Variants in TECTA observed in about 807,000 individuals in gnomAD.
TECTA encodes the protein tectorin alpha.
Under a neutral mutation model 216.8 loss-of-function variants are expected in TECTA, and 128 were observed. That is an observed-to-expected ratio of 0.59 (90% CI 0.51 to 0.68). The LOEUF (loss-of-function observed/expected upper bound fraction) is 0.68. Ranked by LOEUF, TECTA falls within the 30% of genes least tolerant of loss-of-function variation. TECTA has a pLI of 0.00. For missense variants in TECTA, 2,551 were observed against 2,786.2 expected (o/e 0.92, Z 1.90); for synonymous variants, 1,089 against 1,117.1 (o/e 0.97, Z 0.50).
intron 22 of TECTA, 92 bp from the exon 23 acceptor site, chr11:121,189,672 C>T: frequency 7.7e-7 from 1 of 1,304,090 alleles, no homozygotes; most frequent in Non-Finnish European, 1.1e-6. Flanking sequence ...CCGCGCCCAG[C>T]CTGTCCTCCT....
At chr11:121,130,896 A>C (rs2135086456) in intron 10 of TECTA, among the ~76,000 whole-genome samples, 1 of 152,162 alleles carries the variant, frequency 6.6e-6, no homozygotes, top group Non-Finnish European at 1.5e-5. Flanking sequence ...GGTGGGCCCC[A>C]CACCAAAGCC....
chr11:121,136,392 C>T (rs1946727392), intron 10 of TECTA, among the ~76,000 whole-genome samples: 1 of 152,156 alleles, frequency 6.6e-6, no homozygotes, highest in Non-Finnish European at 1.5e-5. Context: ...AGCAAAGGGG[C>T]TGCGGGGTGA....
rs1286461964 is a variant in TECTA at position 121,118,478 on chromosome 11, ATGCGTGG to A, written c.966_972del (p.Val323LeufsTer54). 1 of 1,614,082 alleles carries A rather than the reference ATGCGTGG, an allele frequency of 6.2e-7. No homozygotes were observed. The highest frequency in any genetic ancestry group is 1.3e-5 in the African/African-American group (1 of 74,934). On this transcript the variant is annotated frameshift_variant, in exon 7 of 24. Coordinates refer to ENST00000392793, the MANE Select transcript of TECTA (RefSeq NM_005422.4). LOFTEE classifies it high-confidence loss of function. ...ACTGCAGCGCTGTGGAGACCAGCAC[ATGCGTGG>A]TGTTTGGGGAGCCACACTACCACAC...
chr11:121,176,693 C>T (rs1312670514), intron 20 of TECTA, among the ~76,000 whole-genome samples: 1 of 150,376 alleles, frequency 6.6e-6, no homozygotes, highest in African/African-American at 2.5e-5. Flanking sequence ...GTGGCGTTCT[C>T]TGTATTTCCT....
intron 13 of TECTA, among the ~76,000 whole-genome samples, chr11:121,155,877 G>A (rs969811918): frequency 2.6e-5 from 4 of 152,168 alleles, no homozygotes; most frequent in African/African-American, 9.7e-5. Flanking sequence ...GCAGAGTCGT[G>A]CCTGCAGATT....
At chr11:121,121,491 A>C (rs1335379935) in intron 7 of TECTA, among the ~76,000 whole-genome samples, 2 of 152,194 alleles carry the variant, frequency 1.3e-5, no homozygotes, top group East Asian at 3.9e-4. Context: ...TGGGGACAAG[A>C]GTTCTCTGGG....
At chr11:121,115,894 C>G (rs1204290044) in intron 6 of TECTA, among the ~76,000 whole-genome samples, 1 of 152,120 alleles carries the variant, frequency 6.6e-6, no homozygotes, top group Non-Finnish European at 1.5e-5. Context: ...TGGTCTCAAG[C>G]CATCCTCCCA....
chr11:121,157,954 C>T lies in TECTA; in HGVS notation c.4419C>T (p.Arg1473=). ...QCKSDEECAL[R]NGVRGCFSTK... ...AGTCAGACGAGGAGTGTGCGCTGCG[C>T]AACGGGGTGCGCGGCTGCTTCAGCA... Residue 1473 remains arginine, a synonymous_variant, in exon 14 of 24, where the codon CGC becomes CGT. Transcript: ENST00000392793. 1 of 1,613,870 alleles carries T rather than the reference C, an allele frequency of 6.2e-7. No individual in the cohort carries two copies. Among genetic ancestry groups the T allele is most frequent in the Non-Finnish European group, 8.5e-7 (1 of 1,180,002 alleles).
rs1426884821 is a variant in TECTA, at chr11:121,157,974, T to G, written c.4439T>G (p.Phe1480Cys). The G allele has an allele frequency of 1.9e-6, 3 of 1,613,438 alleles. No homozygotes were observed. In the East Asian group the frequency reaches 6.7e-5, roughly 36 times the overall value. The change falls in exon 14 of 24, where the codon TTC becomes TGC. Residue 1480 changes from phenylalanine (F) to cysteine (C), a missense_variant. Phe to Cys is a radical substitution (Grantham distance 205). Coordinates refer to ENST00000392793, the MANE Select transcript of TECTA (RefSeq NM_005422.4). ...CALRNGVRGCFSTKTSYCLAA... is the reference protein window; with the variant it reads ...CALRNGVRGCCSTKTSYCLAA... ...CTGCGCAACGGGGTGCGCGGCTGCT[T>G]CAGCACCAAGACCTCCTACTGCCTG...
Position 121,137,593 on chromosome 11 carries a change from C to T in TECTA, c.3114C>T (p.Cys1038=), listed in dbSNP as rs747245820. ...GTGTCACGCGGAGTGAGTGTGGCTG[C>T]AACTTTGAGGGGCACCAACTTGCCA... ...SQCVTRSECG[C]NFEGHQLATN... Residue 1038 remains cysteine, a synonymous_variant, in exon 11 of 24, where the codon TGC becomes TGT. Coordinates refer to ENST00000392793, the MANE Select transcript of TECTA (RefSeq NM_005422.4). 1 of 1,613,940 alleles carries T rather than the reference C, an allele frequency of 6.2e-7. No homozygotes were observed. The highest frequency in any genetic ancestry group is 1.1e-5 in the South Asian group (1 of 91,060).
intron 20 of TECTA, among the ~76,000 whole-genome samples, chr11:121,183,857 G>A (rs1379240672): frequency 1.3e-5 from 2 of 152,150 alleles, no homozygotes; most frequent in African/African-American, 2.4e-5. Context: ...GTATGATAAT[G>A]GCTCAATGCA....
At chr11:121,140,389 C>T (rs605379) in intron 11 of TECTA, among the ~76,000 whole-genome samples, 72,833 of 152,050 alleles carry the variant, frequency 0.48, 19,387 homozygotes, top group African/African-American at 0.72. Flanking sequence ...TTAGCTCTCC[C>T]TCCAGGCATG....
intron 13 of TECTA, among the ~76,000 whole-genome samples, chr11:121,157,368 G>A (rs775447410): frequency 2.6e-5 from 4 of 152,042 alleles, no homozygotes; most frequent in Non-Finnish European, 5.9e-5. Context: ...AGTTTGGGAG[G>A]CTGAGGCAGG....
intron 7 of TECTA, 121 bp from the exon 8 acceptor site, chr11:121,125,181 C>A: frequency 1.9e-6 from 2 of 1,027,484 alleles, no homozygotes; most frequent in Non-Finnish European, 3.0e-6. Flanking sequence ...GGAGCCTGGA[C>A]CGTTTAGGTG....
rs548627416 is a variant in TECTA at position 121,102,450 on chromosome 11, C to A, written c.-1-215C>A. The stretch of plus-strand genomic sequence containing the variant: ...TCTCATTACACTTCCAGACTGGCTT[C>A]TTCTGGGCATCTAATTTGTTCATGA... On this transcript the variant is annotated intron_variant, in intron 1 of 23. Coordinates refer to ENST00000392793, the MANE Select transcript of TECTA (RefSeq NM_005422.4). Among the ~76,000 whole-genome samples the A allele has an allele frequency of 1.9e-4, 29 of 152,302 alleles. No homozygotes were observed. The South Asian group carries it at 5.8e-3, about 30-fold the overall frequency.
At chr11:121,163,161 A>T (rs1947018244) in intron 16 of TECTA, among the ~76,000 whole-genome samples, 1 of 152,192 alleles carries the variant, frequency 6.6e-6, no homozygotes, top group Non-Finnish European at 1.5e-5. Context: ...TGACTCCAAG[A>T]TGATACACAC....
chr11:121,128,516 G>T (rs1354855514), intron 9 of TECTA, among the ~76,000 whole-genome samples, 172 bp downstream of exon 9: 4 of 152,196 alleles, frequency 2.6e-5, no homozygotes, highest in African/African-American at 9.6e-5. Flanking sequence ...GAATTATCAG[G>T]TGGAGAAATG....
rs1946523289 is a variant in TECTA at position 121,118,552 on chromosome 11, A to G, written c.1037A>G (p.Tyr346Cys). The change falls in exon 7 of 24, where the codon TAC (tyrosine) becomes TGC (cysteine). Residue 346 changes from tyrosine (Y) to cysteine (C), a missense_variant. Physicochemically the swap from Tyr to Cys is radical, Grantham distance 194. Around this residue, in one of 3 missense-constraint regions of TECTA, gnomAD observed 2,375 missense variants for 2,563.9 expected, o/e 0.93. Transcript: ENST00000392793. ...FLFHFQGSCA[Y>C]LLARQCLQTS... Reference sequence around the variant, plus strand: ...TTCCACTTCCAAGGCTCCTGTGCCTACTTGCTGGCCCGACAGTGTTTGCAG... The same window carrying G: ...TTCCACTTCCAAGGCTCCTGTGCCTGCTTGCTGGCCCGACAGTGTTTGCAG... The G allele has an allele frequency of 6.2e-7, 1 of 1,614,014 alleles. No individual in the cohort carries two copies. The highest frequency in any genetic ancestry group is 1.7e-5 in the Admixed American group (1 of 60,006).
chr11:121,112,868 T>C (rs534373598), intron 4 of TECTA, among the ~76,000 whole-genome samples: 2 of 152,322 alleles, frequency 1.3e-5, no homozygotes, highest in South Asian at 4.1e-4. Flanking sequence ...CAATTTCTCT[T>C]TTAGAAGCAC....
Sources: allele counts gnomAD v4.1 joint callset (sites outside exome capture counted in the v4.1 genomes callset), GRCh38; gene constraint gnomAD v4.1.1; regional missense constraint gnomAD v4.1.1; transcripts MANE v1.5; gene names NCBI Gene and HGNC (gene_info 2026-07-23, HGNC 2026-07-21).